FAM228A: variants seen among roughly 807,000 people sequenced by gnomAD.
FAM228A encodes the protein family with sequence similarity 228 member A, also known as protein FAM228A.
A neutral mutation model predicts 18.6 loss-of-function variants in FAM228A; 13 were observed. The ratio of observed to expected loss-of-function variants is 0.70; its 90% CI spans 0.45 to 1.11. The LOEUF (loss-of-function observed/expected upper bound fraction) is 1.11, where lower values mean the gene tolerates loss of function less well. FAM228A is among the 50% of genes least tolerant of loss of function. The pLI, the probability that FAM228A is intolerant of heterozygous loss-of-function variation, is 0.00. For missense variants in FAM228A, 240 were observed against 242.2 expected (o/e 0.99, Z 0.06); for synonymous variants, 77 against 86.6 (o/e 0.89, Z 0.61).
intron 1 of FAM228A, 53 bp from the exon 2 acceptor site, chr2:24,175,414 G>C (rs1188457192): frequency 1.5e-6 from 2 of 1,317,368 alleles, no homozygotes; most frequent in Non-Finnish European, 2.2e-6. Flanking sequence ...CAAAGGCCTG[G>C]CTCTCAACGG....
At chr2:24,183,153 C>T (rs1405391888) in intron 3 of FAM228A, 132 bp from the exon 4 acceptor site, 4 of 671,048 alleles carry the variant, frequency 6.0e-6, no homozygotes, top group African/African-American at 1.8e-5. Flanking sequence ...CGTTTTTCAA[C>T]CCTCGCCCCC....
intron 5 of FAM228A, among the ~76,000 whole-genome samples, chr2:24,184,175 T>A (rs1030448850): frequency 6.6e-6 from 1 of 151,860 alleles, no homozygotes; most frequent in African/African-American, 2.4e-5. Flanking sequence ...AGGTCAGGAG[T>A]TTGAGACTAG....
At chr2:24,183,813 T>C (rs1667874213) in intron 5 of FAM228A, among the ~76,000 whole-genome samples, 168 bp downstream of exon 5, 1 of 152,158 alleles carries the variant, frequency 6.6e-6, no homozygotes, top group Admixed American at 6.5e-5. Flanking sequence ...GAATAAAACA[T>C]AAACAGCTTA....
At chr2:24,185,920 TAAA>T (rs890878672) in intron 5 of FAM228A, among the ~76,000 whole-genome samples, 3 of 152,208 alleles carry the variant, frequency 2.0e-5, no homozygotes, top group African/African-American at 7.2e-5. Context: ...TGTATAGAAA[TAAA>T]AACGATTTCA....
Position 24,183,376 on chromosome 2 carries a change from C to G in FAM228A, c.250+4C>G, listed in dbSNP as rs533631503. 6.2e-7 allele frequency: 1 copy of G among 1,613,214 alleles called. No homozygotes were observed. The highest frequency in any genetic ancestry group is 2.2e-5 in the East Asian group (1 of 44,890). ...ACTGGTCTTCAGTGTGAGACAGGTG[C>G]TTTGTGATCACTGGGCCTCATTTTT... On this transcript the variant is annotated splice_donor_region_variant and intron_variant, in intron 4 of 5. Coordinates refer to ENST00000295150, the MANE Select transcript of FAM228A (RefSeq NM_001040710.3).
At chr2:24,187,601 C>A (rs1667980400) in intron 5 of FAM228A, among the ~76,000 whole-genome samples, 1 of 152,184 alleles carries the variant, frequency 6.6e-6, no homozygotes. Flanking sequence ...TCCCCACTAA[C>A]CCCTAGCAAC....
intron 3 of FAM228A, among the ~76,000 whole-genome samples, chr2:24,181,688 C>T (rs767251206): frequency 2.0e-5 from 3 of 151,970 alleles, no homozygotes; most frequent in East Asian, 3.9e-4. Context: ...GCCCGGCCTA[C>T]GATCCTTTTA....
intron 3 of FAM228A, among the ~76,000 whole-genome samples, chr2:24,180,749 G>A (rs1325019561): frequency 6.6e-6 from 1 of 152,202 alleles, no homozygotes; most frequent in African/African-American, 2.4e-5. Context: ...AAGAGAGGCT[G>A]TGCTTAGAGT....
chr2:24,178,994 C>A, intron 3 of FAM228A: 1 of 229,266 alleles, frequency 4.4e-6, no homozygotes, highest in South Asian at 9.9e-5. Context: ...ACTTTGCAAC[C>A]CGAATGTGGC....
intron 5 of FAM228A, among the ~76,000 whole-genome samples, chr2:24,187,952 T>C (rs1208772297): frequency 6.6e-6 from 1 of 152,184 alleles, no homozygotes; most frequent in African/African-American, 2.4e-5. Context: ...CTACTTGGAA[T>C]TCATGGGTCT....
In FAM228A at chr2:24,191,489, A is replaced by T. The variant is rs537253879; in HGVS notation, c.*858A>T. 26 of 985,364 alleles carry T rather than the reference A, an allele frequency of 2.6e-5. No homozygotes were observed. In the African/African-American group the frequency reaches 3.0e-4, roughly 11 times the overall value. 61.0% of individuals were successfully genotyped at this position (985,364 alleles called of 1,614,324 possible). On this transcript the variant is annotated 3_prime_UTR_variant, in exon 6 of 6. Coordinates refer to ENST00000295150, the MANE Select transcript of FAM228A (RefSeq NM_001040710.3). The stretch of plus-strand genomic sequence containing the variant: ...TCCTCTGAGCATAATTATATCTGAG[A>T]GCACAGGGAGCTCCTCATTCCATGT...
chr2:24,184,095 A>G (rs561134356), intron 5 of FAM228A, among the ~76,000 whole-genome samples: 1 of 152,184 alleles, frequency 6.6e-6, no homozygotes, highest in Non-Finnish European at 1.5e-5. Context: ...GATATAGTTT[A>G]CAGGCCGGGC....
intron 3 of FAM228A, among the ~76,000 whole-genome samples, chr2:24,182,929 C>T (rs960503024): frequency 2.6e-5 from 4 of 150,952 alleles, no homozygotes; most frequent in African/African-American, 9.8e-5. Flanking sequence ...TAGATTGGCA[C>T]ATTCTGGGGC....
At chr2:24,179,572 G>A (rs1178014812) in intron 3 of FAM228A, among the ~76,000 whole-genome samples, 2 of 152,164 alleles carry the variant, frequency 1.3e-5, no homozygotes, top group Admixed American at 6.5e-5. Flanking sequence ...AGAGGTAGGT[G>A]GTCTCGTGGT....
intron 2 of FAM228A, among the ~76,000 whole-genome samples, chr2:24,177,150 C>A (rs1667711508): frequency 6.6e-6 from 1 of 152,202 alleles, no homozygotes; most frequent in Non-Finnish European, 1.5e-5. Flanking sequence ...CTTTAAGACA[C>A]ACCTACTAGC....
intron 5 of FAM228A, chr2:24,188,568 C>A: frequency 1.0e-6 from 1 of 985,364 alleles, no homozygotes. Context: ...CCTGTCAGGA[C>A]ATCAACCAGA....
intron 4 of FAM228A, 39 bp downstream of exon 4, chr2:24,183,411 C>G (rs1667864113): frequency 6.2e-7 from 1 of 1,607,600 alleles, no homozygotes; most frequent in Non-Finnish European, 8.5e-7. Context: ...TTTGAGACTG[C>G]TAATTGTCCA....
At chr2:24,183,195 G>A in intron 3 of FAM228A, 90 bp from the exon 4 acceptor site, 1 of 952,552 alleles carries the variant, frequency 1.0e-6, no homozygotes, top group Admixed American at 1.8e-5. Flanking sequence ...AGTCCTCAGG[G>A]TCTATTGTTC....
intron 2 of FAM228A, 131 bp downstream of exon 2, chr2:24,175,704 G>C (rs553024075): frequency 1.3e-6 from 1 of 779,574 alleles, no homozygotes; most frequent in Non-Finnish European, 2.1e-6. Flanking sequence ...CGTTGAAGGG[G>C]AATGTTCGGG....
Sources: allele counts gnomAD v4.1 joint callset (sites outside exome capture counted in the v4.1 genomes callset), GRCh38; gene constraint gnomAD v4.1.1; transcripts MANE v1.5; gene names NCBI Gene and HGNC (gene_info 2026-07-23, HGNC 2026-07-21).